SETX: variants seen among roughly 807,000 people sequenced by gnomAD.
The protein encoded by SETX is senataxin.
A neutral mutation model predicts 227.2 loss-of-function variants in SETX; 90 were observed. That is an observed-to-expected ratio of 0.40 (90% CI 0.33 to 0.47). The LOEUF is 0.47. SETX is among the 20% of genes least tolerant of loss of function. SETX has a pLI of 0.91. For synonymous variants in SETX, 1,210 were observed against 1,113.2 expected, an observed-to-expected ratio of 1.09 and a Z score of -1.73; for missense variants, 3,052 against 3,181.5, an observed-to-expected ratio of 0.96 and a Z score of 0.98.
chr9:132,266,451 A>G (rs780340016), intron 25 of SETX, among the ~76,000 whole-genome samples: 1 of 152,194 alleles, frequency 6.6e-6, no homozygotes, highest in Non-Finnish European at 1.5e-5. Flanking sequence ...ACATTTTCTG[A>G]TAAGACAAGA....
Position 132,328,121 on chromosome 9 carries a change from C to G in SETX, c.3477G>C (p.Lys1159Asn). Residue 1159 changes from lysine to asparagine, a missense_variant, in exon 10 of 26, where the codon AAG (lysine) becomes AAC (asparagine). Lys to Asn is a moderately conservative substitution (Grantham distance 94). This residue lies in a region of SETX where 1,483 missense variants were observed against 1,312.0 expected (regional missense o/e 1.13). Transcript: ENST00000224140. Reference protein sequence around the residue: ...VEEFCEIEVKKPKRKRSEKPM... With the variant: ...VEEFCEIEVKNPKRKRSEKPM... ...GTTTTTCAGATCGTTTTCTCTTAGG[C>G]TTTTTTACTTCAATTTCACAAAATT... 1 of 1,613,976 alleles carries G rather than the reference C, an allele frequency of 6.2e-7. No homozygotes were observed. The highest frequency in any genetic ancestry group is 8.5e-7 in the Non-Finnish European group (1 of 1,179,992).
chr9:132,283,797 G>A (rs1409318965), intron 18 of SETX, among the ~76,000 whole-genome samples: 1 of 152,156 alleles, frequency 6.6e-6, no homozygotes, highest in Non-Finnish European at 1.5e-5. Context: ...AATTCAGCCT[G>A]AATGTACATT....
intron 15 of SETX, 30 bp downstream of exon 15, chr9:132,295,842 A>C: frequency 6.2e-7 from 1 of 1,602,506 alleles, no homozygotes; most frequent in Non-Finnish European, 8.5e-7. Context: ...GAAAACAAAA[A>C]CAAATTTAAA....
chr9:132,351,852 GGT>G (rs886294336), intron 2 of SETX, among the ~76,000 whole-genome samples: 18 of 152,082 alleles, frequency 1.2e-4, no homozygotes, highest in Non-Finnish European at 2.4e-4. Flanking sequence ...ATGACAAATG[GGT>G]GTGTCCAGAC....
At chr9:132,297,273 T>C (rs970017466) in intron 13 of SETX, among the ~76,000 whole-genome samples, 2 of 152,268 alleles carry the variant, frequency 1.3e-5, no homozygotes, top group Non-Finnish European at 2.9e-5. Flanking sequence ...AATTAGTGTC[T>C]GTAACGCTTC....
chr9:132,266,588 A>G (rs1231373935), intron 25 of SETX, among the ~76,000 whole-genome samples: 2 of 152,194 alleles, frequency 1.3e-5, no homozygotes, highest in African/African-American at 2.4e-5. Flanking sequence ...CCTGGGCAAC[A>G]TGGTGAAACC....
chr9:132,264,671 G>C lies in SETX; in HGVS notation c.7602C>G (p.Asp2534Glu). The change falls in exon 26 of 26, where the codon GAC becomes GAG. Residue 2534 changes from aspartate to glutamate, a missense_variant. By Grantham distance (45) the Asp-to-Glu change is conservative. Transcript: ENST00000224140. Reference sequence around the variant, plus strand: ...TCAGCAGTCGTGGGTCCTGAAGTTGGTCATGAACAGGAGGTCTTTCAGGGT... The same window carrying C: ...TCAGCAGTCGTGGGTCCTGAAGTTGCTCATGAACAGGAGGTCTTTCAGGGT... ...SKDPERPPVH[D>E]QLQDPRLLKR... is the part of the protein sequence containing the mutation. The C allele has an allele frequency of 6.2e-7, 1 of 1,614,196 alleles. No individual in the cohort carries two copies. The highest frequency in any genetic ancestry group is 8.5e-7 in the Non-Finnish European group (1 of 1,180,032).
Position 132,311,742 on chromosome 9 carries a change from T to C in SETX, c.5374+15A>G. 2 of 1,562,116 alleles carry C rather than the reference T, an allele frequency of 1.3e-6. No individual in the cohort carries two copies. Among genetic ancestry groups the C allele is most frequent in the Non-Finnish European group, 1.8e-6 (2 of 1,133,780 alleles). ...ATTATATCATATATTCCAAGTTGCGTAAGAAAAAACTTACCTGCAAACTCC... is the reference window on the plus strand; with the variant it reads ...ATTATATCATATATTCCAAGTTGCGCAAGAAAAAACTTACCTGCAAACTCC... On this transcript the variant is annotated intron_variant, in intron 11 of 25. Coordinates refer to ENST00000224140, the MANE Select transcript of SETX (RefSeq NM_015046.7).
intron 25 of SETX, chr9:132,269,378 G>T: frequency 2.0e-6 from 3 of 1,482,578 alleles, no homozygotes; most frequent in East Asian, 2.8e-5. Context: ...CCTATGATGT[G>T]GATAATTTGT....
chr9:132,311,983 T>C (rs967933174), intron 10 of SETX, 127 bp from the exon 11 acceptor site: 9 of 743,496 alleles, frequency 1.2e-5, no homozygotes, highest in African/African-American at 7.0e-5. Flanking sequence ...AAACTAAAAA[T>C]TGATTCACGG....
At chr9:132,295,165 C>T (rs557179759) in intron 15 of SETX, among the ~76,000 whole-genome samples, 10 of 152,052 alleles carry the variant, frequency 6.6e-5, no homozygotes, top group South Asian at 2.1e-4. Flanking sequence ...CTGAATCATC[C>T]GTTGTAATGC....
intron 10 of SETX, among the ~76,000 whole-genome samples, chr9:132,321,827 AAC>A (rs1204595425): frequency 6.6e-6 from 1 of 152,102 alleles, no homozygotes; most frequent in Non-Finnish European, 1.5e-5. Flanking sequence ...CAGCCTGGGC[AAC>A]AGAGTGAGAC....
rs1243897104 is a variant in SETX, at chr9:132,288,299, T to A, written c.6261A>T (p.Leu2087=). Residue 2087 remains leucine, a synonymous_variant, in exon 17 of 26, where the codon CTA becomes CTT. Transcript: ENST00000224140. ...VQAMHKRKEF[L]DYQLDELSRQ... ...GGGAAAGCTCATCCAGCTGATAATCTAGAAATTCCTTTCTTTTATGCATCG... is the reference window on the plus strand; with the variant it reads ...GGGAAAGCTCATCCAGCTGATAATCAAGAAATTCCTTTCTTTTATGCATCG... The A allele has an allele frequency of 6.2e-7, 1 of 1,614,118 alleles. No individual in the cohort carries two copies. The highest frequency in any genetic ancestry group is 8.5e-7 in the Non-Finnish European group (1 of 1,180,038).
chr9:132,297,181 A>C, intron 13 of SETX, 127 bp from the exon 14 acceptor site: 10 of 692,568 alleles, frequency 1.4e-5, no homozygotes, highest in Middle Eastern at 4.4e-4. Context: ...TTATGGTCAG[A>C]CAAGACAAGG....
At chr9:132,301,793 T>C (rs550758823) in intron 11 of SETX, among the ~76,000 whole-genome samples, 4 of 152,192 alleles carry the variant, frequency 2.6e-5, no homozygotes, top group Admixed American at 2.0e-4. Context: ...TACAAGAATT[T>C]TGCAACTTCT....
intron 23 of SETX, among the ~76,000 whole-genome samples, chr9:132,273,967 A>AT (rs2131160159): frequency 8.2e-6 from 1 of 121,564 alleles, no homozygotes; most frequent in South Asian, 2.6e-4. Context: ...GTTCCTTTGT[A>AT]TTCTTTTTTT....
chr9:132,333,416 T>TACACACAC (rs764524464), intron 7 of SETX, among the ~76,000 whole-genome samples: 3 of 88,074 alleles, frequency 3.4e-5, no homozygotes, highest in African/African-American at 1.0e-4. Flanking sequence ...AAAATATATA[T>TACACACAC]ACACACACAC....
chr9:132,268,761 T>C (rs1309850983), intron 25 of SETX, among the ~76,000 whole-genome samples: 1 of 152,236 alleles, frequency 6.6e-6, no homozygotes, highest in Non-Finnish European at 1.5e-5. Flanking sequence ...TCAGTAATAT[T>C]TAAACTTACA....
intron 18 of SETX, among the ~76,000 whole-genome samples, chr9:132,284,372 A>T (rs550685653): frequency 1.0e-3 from 158 of 152,378 alleles, no homozygotes; most frequent in Non-Finnish European, 2.0e-3. Context: ...CTTTTAGTTT[A>T]AATAAACTGC....
Sources: allele counts gnomAD v4.1 joint callset (sites outside exome capture counted in the v4.1 genomes callset), GRCh38; gene constraint gnomAD v4.1.1; regional missense constraint gnomAD v4.1.1; transcripts MANE v1.5; gene names NCBI Gene and HGNC (gene_info 2026-07-23, HGNC 2026-07-21).